The following GLB1L2 variants were observed in gnomAD, a reference collection of about 807,000 sequenced individuals.
The protein encoded by GLB1L2 is galactosidase beta 1 like 2, also known as beta-galactosidase-1-like protein 2.
Under a neutral mutation model 84.1 loss-of-function variants are expected in GLB1L2, and 68 were observed. The observed-to-expected ratio is 0.81, with a 90% CI of 0.67 to 0.99. GLB1L2 has a LOEUF of 0.99. Among genes scored for constraint, GLB1L2 ranks in the 50% least tolerant of loss-of-function variants. The pLI is 0.00. For synonymous variants in GLB1L2, 290 were observed against 318.0 expected, an observed-to-expected ratio of 0.91 and a Z score of 0.94; for missense variants, 762 against 805.6, an observed-to-expected ratio of 0.95 and a Z score of 0.66.
At position 134,367,353 on chromosome 11, in the gene GLB1L2, C is replaced by A. The variant is rs186554320; in HGVS notation, c.889+12C>A. The stretch of plus-strand genomic sequence containing the variant: ...CTTGGATTCTTCTGGTGAGTGCTTG[C>A]GGTGACTACATCCAGAATGTGTGCT... On this transcript the variant is annotated intron_variant, in intron 9 of 18. Transcript: ENST00000535456. 147 of 1,605,802 alleles carry A rather than the reference C, an allele frequency of 9.2e-5. No individual in the cohort carries two copies. The highest frequency in any genetic ancestry group is 5.0e-4 in the Middle Eastern group (3 of 6,000).
intron 7 of GLB1L2, among the ~76,000 whole-genome samples, chr11:134,362,762 G>A (rs762124051): frequency 6.6e-6 from 1 of 152,246 alleles, no homozygotes; most frequent in Non-Finnish European, 1.5e-5. Flanking sequence ...TGGCCCCCGA[G>A]GAGGGGATGG....
intron 1 of GLB1L2, among the ~76,000 whole-genome samples, chr11:134,337,918 C>A (rs536229406): frequency 6.6e-6 from 1 of 152,172 alleles, no homozygotes; most frequent in African/African-American, 2.4e-5. Context: ...TGTAAGCTAT[C>A]GTCTCAGATG....
chr11:134,357,871 T>G (rs1175784078), intron 6 of GLB1L2, among the ~76,000 whole-genome samples: 1 of 152,228 alleles, frequency 6.6e-6, no homozygotes, highest in African/African-American at 2.4e-5. Context: ...AATTATCCCC[T>G]CTGGGGTGGA....
intron 5 of GLB1L2, among the ~76,000 whole-genome samples, chr11:134,348,253 T>C (rs1391556106): frequency 6.6e-6 from 1 of 152,246 alleles, no homozygotes; most frequent in Non-Finnish European, 1.5e-5. Flanking sequence ...AGTGTAAATA[T>C]ATTCCAAATA....
rs770946189 is a variant in GLB1L2, at chr11:134,342,712, G to C, written c.87-42G>C. ...GGGGCGAGGAAGCCGATCTCTCTGC[G>C]GCCCGGAGCCTCCAGGCTCCAGAAT... On this transcript the variant is annotated intron_variant, in intron 1 of 18. Transcript: ENST00000535456. 3.1e-5 allele frequency: 49 copies of C among 1,575,276 alleles called. 1 individual carries two copies. The Admixed American group carries it at 7.9e-4, about 26-fold the overall frequency.
In GLB1L2 at chr11:134,334,165, T is replaced by G. The variant is rs1269416070; in HGVS notation, c.86+2018T>G. Among the ~76,000 whole-genome samples, 1 of 152,132 alleles carries G rather than the reference T, an allele frequency of 6.6e-6. No homozygotes were observed. Among genetic ancestry groups the G allele is most frequent in the Admixed American group, 6.5e-5 (1 of 15,274 alleles). ...AGTGGGAGGTGGGGCCTCTCCCAGC[T>G]GTTACTGGGCAGTGTTGAGGTGGCC... On this transcript the variant is annotated intron_variant, in intron 1 of 18. Transcript: ENST00000535456. The surrounding 1 kb of genome is among the most constrained non-coding windows in gnomAD (Gnocchi z 4.1).
rs1194546621 is a variant in GLB1L2, at chr11:134,332,005, C to A, written c.-57C>A. 8 of 1,252,048 alleles carry A rather than the reference C, an allele frequency of 6.4e-6. No homozygotes were observed. The highest frequency in any genetic ancestry group is 2.8e-5 in the South Asian group (2 of 72,538). 77.6% of individuals were successfully genotyped at this position (1,252,048 alleles called of 1,614,324 possible). ...CGCCCCCCGCGGCGAGGCTCCCGCG[C>A]GCGGCTGAGTGCGGACTGGAGTGGG... On this transcript the variant is annotated 5_prime_UTR_variant, in exon 1 of 19. Coordinates refer to ENST00000535456, the MANE Select transcript of GLB1L2 (RefSeq NM_001370461.1).
chr11:134,371,538 C>T (rs773662866), intron 14 of GLB1L2, 46 bp downstream of exon 14: 18 of 1,219,896 alleles, frequency 1.5e-5, no homozygotes, highest in Admixed American at 3.4e-5. Context: ...CCCGCTGCTT[C>T]GAGGAAGTCT....
At chr11:134,373,886 C>A (rs1943990151) in intron 16 of GLB1L2, 78 bp downstream of exon 16, 2 of 1,102,284 alleles carry the variant, frequency 1.8e-6, no homozygotes, top group Non-Finnish European at 2.7e-6. Context: ...CCCTGGTGCA[C>A]CGTGGCCTGG....
chr11:134,333,415 C>T (rs1264472966), intron 1 of GLB1L2, among the ~76,000 whole-genome samples: 1 of 152,214 alleles, frequency 6.6e-6, no homozygotes, highest in Admixed American at 6.5e-5. Flanking sequence ...AGAAGAATTA[C>T]TCAGAGCAGC....
rs780143812 is a variant in GLB1L2, at chr11:134,367,389, T to G, written c.889+48T>G. ...TCCAGAATGTGTGCTACTTAAGAAG[T>G]GAGGATGAGTTTCAGTCACCTGCTA... On this transcript the variant is annotated intron_variant, in intron 9 of 18. Transcript: ENST00000535456. 3.9e-5 allele frequency: 59 copies of G among 1,496,060 alleles called. 1 individual carries two copies. In the South Asian group the frequency reaches 4.5e-4, roughly 11 times the overall value. The allele number at this position is 1,496,060 out of a possible 1,614,324, so 92.7% of individuals were successfully genotyped here.
intron 5 of GLB1L2, among the ~76,000 whole-genome samples, chr11:134,353,071 A>C (rs185929596): frequency 2.6e-5 from 4 of 152,046 alleles, no homozygotes; most frequent in Admixed American, 1.3e-4. Flanking sequence ...TTCCATTGTG[A>C]TTGGGAAAAA....
At chr11:134,374,373 T>C in intron 17 of GLB1L2, 117 bp downstream of exon 17, 1 of 908,614 alleles carries the variant, frequency 1.1e-6, no homozygotes, top group East Asian at 2.4e-5. Context: ...CCAGAGGGTC[T>C]GAGAGGGCCG....
intron 5 of GLB1L2, among the ~76,000 whole-genome samples, chr11:134,348,919 C>G (rs541221408): frequency 1.7e-4 from 26 of 152,336 alleles, no homozygotes; most frequent in African/African-American, 6.3e-4. Context: ...TATAAGAGCA[C>G]TAGCCCTGTT....
At chr11:134,347,484 G>T (rs202190467) in intron 5 of GLB1L2, 51 bp downstream of exon 5, 1 of 1,295,948 alleles carries the variant, frequency 7.7e-7, no homozygotes, top group Non-Finnish European at 1.1e-6. Flanking sequence ...CCTCTAGGTC[G>T]TGGATCATCC....
intron 7 of GLB1L2, 128 bp downstream of exon 7, chr11:134,359,269 A>G (rs1385424413): frequency 3.1e-6 from 2 of 635,774 alleles, no homozygotes; most frequent in Admixed American, 2.8e-5. Context: ...TGCATATGGC[A>G]CTGGGCTGCA....
chr11:134,368,872 G>C (rs752987312), intron 10 of GLB1L2, 91 bp downstream of exon 10: 3 of 1,360,962 alleles, frequency 2.2e-6, no homozygotes, highest in Non-Finnish European at 3.0e-6. Context: ...TCAACTTCTG[G>C]CACCTTCGTG....
At chr11:134,364,192 C>T in intron 7 of GLB1L2, 136 bp from the exon 8 acceptor site, 1 of 705,722 alleles carries the variant, frequency 1.4e-6, no homozygotes, top group Non-Finnish European at 2.4e-6. Context: ...TGGCTGACTT[C>T]TAACTGGAGG....
intron 5 of GLB1L2, among the ~76,000 whole-genome samples, chr11:134,350,955 G>A (rs76705700): frequency 0.024 from 3,633 of 152,278 alleles, 150 homozygotes; most frequent in African/African-American, 0.082. Flanking sequence ...ACTGTTTTCT[G>A]CATTTAAGAT....
Sources: allele counts gnomAD v4.1 joint callset (sites outside exome capture counted in the v4.1 genomes callset), GRCh38; gene constraint gnomAD v4.1.1; non-coding constraint Gnocchi (gnomAD v3.1); transcripts MANE v1.5; gene names NCBI Gene and HGNC (gene_info 2026-07-23, HGNC 2026-07-21).